The following EGLN2 variants were observed in gnomAD, a reference collection of about 807,000 sequenced individuals.
The protein encoded by EGLN2 is prolyl hydroxylase EGLN2.
Under a neutral mutation model 38.2 loss-of-function variants are expected in EGLN2, and 15 were observed. The observed-to-expected ratio is 0.39, with a 90% CI of 0.26 to 0.60. EGLN2 has a LOEUF of 0.60. EGLN2 is among the 20% of genes least tolerant of loss of function. EGLN2 has a pLI of 0.50. For missense variants in EGLN2, 492 were observed against 570.4 expected (o/e 0.86, Z 1.40); for synonymous variants, 284 against 237.4 (o/e 1.20, Z -1.81).
intron 2 of EGLN2, chr19:40,803,224 G>A (rs960066543): frequency 6.6e-6 from 1 of 152,392 alleles, no homozygotes; most frequent in Non-Finnish European, 1.5e-5. Flanking sequence ...CGAAAACCAG[G>A]TTACATCCCC....
chr19:40,803,807 A>C (rs1016116766), intron 2 of EGLN2, among the ~76,000 whole-genome samples: 2 of 152,058 alleles, frequency 1.3e-5, no homozygotes, highest in Admixed American at 6.5e-5. Flanking sequence ...TGGGACAGTC[A>C]CAGGCTTCTG....
rs11547373 is a variant in EGLN2, at chr19:40,800,457, G to A, written c.-116G>A. On this transcript the variant is annotated 5_prime_UTR_variant, in exon 2 of 6. Coordinates refer to ENST00000303961, the MANE Select transcript of EGLN2 (RefSeq NM_080732.4). ...TCTGCCCTGCCTCACCCTGCCCCAC[G>A]CCAGGCCCGGTGGCCCCCAGCTGCA... The A allele has an allele frequency of 0.34, 490,660 of 1,425,032 alleles. 88,431 individuals are homozygous for A. Among genetic ancestry groups the A allele is most frequent in the Admixed American group, 0.45 (16,484 of 36,256 alleles). The allele number at this position is 1,425,032 out of a possible 1,614,324, so 88.3% of individuals were successfully genotyped here. A position where few individuals can be genotyped will look rare whatever the true frequency, so the allele number is the denominator to read the frequency against.
At position 40,800,735 on chromosome 19, in the gene EGLN2, A is replaced by G. The variant is rs970787709; in HGVS notation, c.163A>G (p.Ser55Gly). The G allele has an allele frequency of 2.5e-6, 4 of 1,613,730 alleles. No homozygotes were observed. The African/African-American group carries it at 5.3e-5, about 22-fold the overall frequency. Reference protein sequence around the residue: ...LPSYHCPGVPSEASAGSGTPR... With the variant: ...LPSYHCPGVPGEASAGSGTPR... ...CTCCTACCACTGTCCAGGAGTGCCT[A>G]GTGAGGCCTCGGCAGGGAGTGGGAC... is the stretch of plus-strand genomic sequence containing the variant. Residue 55 changes from serine (S) to glycine (G), a missense_variant, in exon 2 of 6, where the codon AGT becomes GGT. Coordinates refer to ENST00000303961, the MANE Select transcript of EGLN2 (RefSeq NM_080732.4).
At chr19:40,799,784 C>G (rs969492100) in intron 1 of EGLN2, 3 of 152,146 alleles carry the variant, frequency 2.0e-5, no homozygotes, top group African/African-American at 4.8e-5. Context: ...TCGGGTCGAC[C>G]CCACCGTCCC....
rs1435358779 is a variant in EGLN2, at chr19:40,801,273, G to A, written c.701G>A (p.Ser234Asn). 6.2e-7 allele frequency: 1 copy of A among 1,613,032 alleles called. No individual in the cohort carries two copies. The highest frequency in any genetic ancestry group is 1.1e-5 in the South Asian group (1 of 91,090). ...LVSQRAIPPRSIRGDQIAWVE... is the reference protein window; with the variant it reads ...LVSQRAIPPRNIRGDQIAWVE... ...AGCCAGAGGGCGATCCCGCCGCGCAGCATCCGTGGGGACCAGATTGCCTGG... is the reference window on the plus strand; with the variant it reads ...AGCCAGAGGGCGATCCCGCCGCGCAACATCCGTGGGGACCAGATTGCCTGG... Residue 234 changes from serine to asparagine, a missense_variant, in exon 2 of 6, where the codon AGC (serine) becomes AAC (asparagine). Transcript: ENST00000303961.
intron 2 of EGLN2, among the ~76,000 whole-genome samples, chr19:40,801,693 C>G (rs1312252181): frequency 3.5e-5 from 3 of 85,326 alleles, no homozygotes; most frequent in Admixed American, 1.7e-4. Flanking sequence ...TTTTATTGAT[C>G]ATTCTTGGGT....
Position 40,807,158 on chromosome 19 carries a change from G to C in EGLN2, c.984G>C (p.Gln328His). The C allele has an allele frequency of 6.2e-7, 1 of 1,614,126 alleles. No homozygotes were observed. Among genetic ancestry groups the C allele is most frequent in the African/African-American group, 1.3e-5 (1 of 75,040 alleles). ...CCCAGGTGCATGGCGGCCTGCTGCA[G>C]ATCTTCCCTGAGGGCCGGCCCGTGG... ...WDVKVHGGLLQIFPEGRPVVA... is the reference protein window; with the variant it reads ...WDVKVHGGLLHIFPEGRPVVA... The change falls in exon 4 of 6, where the codon CAG (glutamine) becomes CAC (histidine). Residue 328 changes from glutamine to histidine, a missense_variant. This residue lies in a region of EGLN2 where 114 missense variants were observed against 184.2 expected (regional missense o/e 0.62). Transcript: ENST00000303961.
At chr19:40,804,461 C>T (rs916502867) in intron 2 of EGLN2, 1 of 152,730 alleles carries the variant, frequency 6.5e-6, no homozygotes, top group African/African-American at 2.4e-5. Flanking sequence ...GGGAGAGGCA[C>T]ATGAGGTTGG....
chr19:40,807,054 G>A (rs979992502), intron 3 of EGLN2, 84 bp from the exon 4 acceptor site: 9 of 1,582,142 alleles, frequency 5.7e-6, no homozygotes, highest in Admixed American at 3.4e-5. Context: ...CAGACGCTGC[G>A]CCTCCTAGTG....
rs748906273 is a variant in EGLN2 at position 40,801,393 on chromosome 19, A to G, written c.821A>G (p.Tyr274Cys). ...CACTGCGCAGGGCGGCTGGGCAGCT[A>G]TGTCATCAACGGGCGCACCAAGGTA... ...IRHCAGRLGSYVINGRTKAMV... is the reference protein window; with the variant it reads ...IRHCAGRLGSCVINGRTKAMV... The change falls in exon 2 of 6, where the codon TAT becomes TGT. Residue 274 changes from tyrosine (Y) to cysteine (C), a missense_variant. This residue lies in a region of EGLN2 where 378 missense variants were observed against 386.2 expected (regional missense o/e 0.98). Coordinates refer to ENST00000303961, the MANE Select transcript of EGLN2 (RefSeq NM_080732.4). 41 of 1,607,052 alleles carry G rather than the reference A, an allele frequency of 2.6e-5. No homozygotes were observed. Among genetic ancestry groups the G allele is most frequent in the South Asian group, 3.3e-5 (3 of 91,056 alleles).
rs1404429970 is a variant in EGLN2, at chr19:40,801,306, G to A, written c.734G>A (p.Gly245Asp). The A allele has an allele frequency of 6.2e-7, 1 of 1,613,038 alleles. No individual in the cohort carries two copies. Among genetic ancestry groups the A allele is most frequent in the Non-Finnish European group, 8.5e-7 (1 of 1,180,044 alleles). Residue 245 changes from glycine (G) to aspartate (D), a missense_variant, in exon 2 of 6, where the codon GGC (glycine) becomes GAC (aspartate). By Grantham distance (94) the Gly-to-Asp change is moderately conservative. Transcript: ENST00000303961. ...IRGDQIAWVE[G>D]HEPGCRSIGA... is the part of the protein sequence containing the mutation. ...GGGGACCAGATTGCCTGGGTGGAAG[G>A]CCATGAACCAGGCTGTCGAAGCATT...
chr19:40,807,767 C>T (rs1166047476), intron 5 of EGLN2, 42 bp from the exon 6 acceptor site: 4 of 1,607,586 alleles, frequency 2.5e-6, no homozygotes, highest in Admixed American at 1.7e-5. Flanking sequence ...GCTTCTTTGT[C>T]CTTCTGATGA....
chr19:40,802,362 C>G (rs1454718269), intron 2 of EGLN2, among the ~76,000 whole-genome samples: 1 of 152,156 alleles, frequency 6.6e-6, no homozygotes, highest in Non-Finnish European at 1.5e-5. Context: ...ATCCCCATGT[C>G]TCCCACCCTT....
chr19:40,801,539 C>G, intron 2 of EGLN2, 124 bp downstream of exon 2: 1 of 1,377,062 alleles, frequency 7.3e-7, no homozygotes, highest in Non-Finnish European at 9.8e-7. Flanking sequence ...TTAGGCAGTT[C>G]AGTGGAGTGG....
In EGLN2 at chr19:40,801,838, G is replaced by A. The variant is rs190513935; in HGVS notation, c.843+423G>A. On this transcript the variant is annotated intron_variant, in intron 2 of 5. Transcript: ENST00000303961. ...GGCCTTCTGCGTGTTTGTGTCCCTG[G>A]GTACTTGAGATTAGGGAGTGGTGAT... Among the ~76,000 whole-genome samples, 12 of 151,772 alleles carry A rather than the reference G, an allele frequency of 7.9e-5. No individual in the cohort carries two copies. In the East Asian group the frequency reaches 1.9e-3, roughly 25 times the overall value.
chr19:40,807,175 G>C lies in EGLN2; in HGVS notation c.1001G>C (p.Arg334Pro). The change falls in exon 4 of 6, where the codon CGG becomes CCG. Residue 334 changes from arginine (R) to proline (P), a missense_variant. Coordinates refer to ENST00000303961, the MANE Select transcript of EGLN2 (RefSeq NM_080732.4). ...GGLLQIFPEG[R>P]PVVANIEPLF... ...CTGCTGCAGATCTTCCCTGAGGGCC[G>C]GCCCGTGGTAGCCAACATCGAGCCA... 1 of 1,614,144 alleles carries C rather than the reference G, an allele frequency of 6.2e-7. No homozygotes were observed. The highest frequency in any genetic ancestry group is 8.5e-7 in the Non-Finnish European group (1 of 1,180,008).
At position 40,806,550 on chromosome 19, in the gene EGLN2, G is replaced by T; in HGVS notation, c.844-5G>T. 1 of 1,614,040 alleles carries T rather than the reference G, an allele frequency of 6.2e-7. No individual in the cohort carries two copies. The highest frequency in any genetic ancestry group is 8.5e-7 in the Non-Finnish European group (1 of 1,179,956). On this transcript the variant is annotated splice_polypyrimidine_tract_variant and splice_region_variant and intron_variant, in intron 2 of 5. Coordinates refer to ENST00000303961, the MANE Select transcript of EGLN2 (RefSeq NM_080732.4). ...AGTAAACCTACCTCCCTCCATCCCT[G>T]CCAGGCCATGGTGGCGTGTTACCCA...
chr19:40,803,718 C>T (rs1351748163), intron 2 of EGLN2, among the ~76,000 whole-genome samples: 2 of 152,154 alleles, frequency 1.3e-5, no homozygotes, highest in East Asian at 3.9e-4. Flanking sequence ...TTGACTCCCA[C>T]TGGCAGCAAG....
Position 40,808,020 on chromosome 19 carries a change from A to C in EGLN2, c.*156A>C. 2.7e-6 allele frequency: 2 copies of C among 728,930 alleles called. No individual in the cohort carries two copies. Among genetic ancestry groups the C allele is most frequent in the Non-Finnish European group, 4.5e-6 (2 of 441,432 alleles). 45.2% of individuals were successfully genotyped at this position (728,930 alleles called of 1,614,324 possible). ...CTCTGTCTGTTGCTGAGGACCAAGG[A>C]GGAGAAGAGACCTTTGCTGCCCCAT... On this transcript the variant is annotated 3_prime_UTR_variant, in exon 6 of 6. Coordinates refer to ENST00000303961, the MANE Select transcript of EGLN2 (RefSeq NM_080732.4).
Sources: gnomAD v4.1 joint callset for allele counts (sites outside exome capture counted in the v4.1 genomes callset) on GRCh38, gnomAD v4.1.1 for gene constraint, gnomAD v4.1.1 regional missense constraint, MANE v1.5 for transcripts, NCBI Gene and HGNC (gene_info 2026-07-23, HGNC 2026-07-21) for gene names.